SYK: variants seen among roughly 807,000 people sequenced by gnomAD.
SYK encodes tyrosine-protein kinase SYK.
A neutral mutation model predicts 77.8 loss-of-function variants in SYK; 16 were observed. The observed-to-expected ratio is 0.21, with a 90% CI of 0.14 to 0.31. The LOEUF (loss-of-function observed/expected upper bound fraction) is 0.31. SYK is among the 10% of genes least tolerant of loss of function. The pLI, the probability that SYK is intolerant of heterozygous loss-of-function variation, is 1.00. For missense variants in SYK, 529 were observed against 814.4 expected (o/e 0.65, Z 4.26); for synonymous variants, 312 against 308.7 (o/e 1.01, Z -0.11).
At chr9:90,862,618 G>A (rs987023470) in intron 4 of SYK, among the ~76,000 whole-genome samples, 1 of 152,196 alleles carries the variant, frequency 6.6e-6, no homozygotes, top group African/African-American at 2.4e-5. Context: ...GTGAACGAAG[G>A]TTCCATGGCT....
chr9:90,882,443 G>A (rs1274440836), intron 11 of SYK, among the ~76,000 whole-genome samples: 1 of 152,202 alleles, frequency 6.6e-6, no homozygotes, highest in Non-Finnish European at 1.5e-5. Context: ...CCACCCCAAT[G>A]AGACCTCACA....
rs1264205245 is a variant in SYK at position 90,888,508 on chromosome 9, G to T, written c.1723-7G>T. The T allele has an allele frequency of 8.2e-6, 13 of 1,591,766 alleles. No homozygotes were observed. Among genetic ancestry groups the T allele is most frequent in the Non-Finnish European group, 1.1e-5 (13 of 1,172,096 alleles). On this transcript the variant is annotated splice_region_variant and splice_polypyrimidine_tract_variant and intron_variant, in intron 12 of 13. Transcript: ENST00000375754. ...AAAAAAGCTTATGCATATCTTGCAT[G>T]TTGTAGGGGATGAAAGGAAGTGAAG...
At chr9:90,885,553 A>G (rs1828532253) in intron 11 of SYK, among the ~76,000 whole-genome samples, 1 of 152,230 alleles carries the variant, frequency 6.6e-6, no homozygotes, top group African/African-American at 2.4e-5. Flanking sequence ...AAGCAACTGA[A>G]TATTCAAATC....
intron 8 of SYK, 68 bp from the exon 9 acceptor site, chr9:90,874,604 G>A: frequency 6.6e-7 from 1 of 1,513,212 alleles, no homozygotes; most frequent in Non-Finnish European, 9.0e-7. Flanking sequence ...TGAAGATCAT[G>A]TTCTTGGAAG....
intron 6 of SYK, 123 bp from the exon 7 acceptor site, chr9:90,867,008 G>A: frequency 2.0e-6 from 2 of 1,007,532 alleles, no homozygotes; most frequent in South Asian, 2.8e-5. Flanking sequence ...GATCTCATTG[G>A]CAGGGACAGG....
rs1392335589 is a variant in SYK at position 90,877,633 on chromosome 9, A to G, written c.1244A>G (p.Asp415Gly). 6.2e-7 allele frequency: 1 copy of G among 1,614,252 alleles called. No homozygotes were observed. The highest frequency in any genetic ancestry group is 8.5e-7 in the Non-Finnish European group (1 of 1,180,034). Residue 415 changes from aspartate (D) to glycine (G), a missense_variant, in exon 10 of 14, where the codon GAT (aspartate) becomes GGT (glycine). Transcript: ENST00000375754. ...GAGGCCAATGACCCCGCTCTTAAAG[A>G]TGAGTTATTAGCAGAAGCAAATGTC... ...KNEANDPALKDELLAEANVMQ... is the reference protein window; with the variant it reads ...KNEANDPALKGELLAEANVMQ...
At chr9:90,853,722 G>A (rs1587865100) in intron 3 of SYK, among the ~76,000 whole-genome samples, 1 of 152,150 alleles carries the variant, frequency 6.6e-6, no homozygotes, top group Admixed American at 6.5e-5. Flanking sequence ...GGACTGTTGT[G>A]GGGTGGGAGG....
chr9:90,890,377 G>T (rs1018197952), intron 13 of SYK, among the ~76,000 whole-genome samples: 1 of 152,236 alleles, frequency 6.6e-6, no homozygotes, highest in Non-Finnish European at 1.5e-5. Context: ...GGCAGACCGG[G>T]GAGGGAAAGC....
intron 13 of SYK, among the ~76,000 whole-genome samples, chr9:90,891,389 C>T (rs971108643): frequency 2.0e-5 from 3 of 152,102 alleles, no homozygotes; most frequent in East Asian, 3.9e-4. Flanking sequence ...CCTCATGATC[C>T]GCCCGCCTCA....
chr9:90,878,344 G>T (rs1828022118), intron 10 of SYK, among the ~76,000 whole-genome samples: 1 of 152,128 alleles, frequency 6.6e-6, no homozygotes. Context: ...TGCCTCATTT[G>T]CTGTGCTACG....
chr9:90,873,475 TAGG>T (rs1178293125), intron 7 of SYK, among the ~76,000 whole-genome samples: 4 of 152,130 alleles, frequency 2.6e-5, no homozygotes, highest in Non-Finnish European at 1.5e-5. Flanking sequence ...GGAAAGTCCT[TAGG>T]ATAATGAGTA....
intron 11 of SYK, among the ~76,000 whole-genome samples, chr9:90,882,986 A>AG (rs1828215051): frequency 6.6e-6 from 1 of 152,140 alleles, no homozygotes; most frequent in South Asian, 2.1e-4. Flanking sequence ...GGAGCTGCCT[A>AG]GGGATCACAC....
At chr9:90,868,810 A>C (rs1587889990) in intron 7 of SYK, among the ~76,000 whole-genome samples, 2 of 152,194 alleles carry the variant, frequency 1.3e-5, no homozygotes, top group African/African-American at 4.8e-5. Context: ...AAGTATGTAC[A>C]GATATTCTTG....
chr9:90,865,820 G>A (rs893590526), intron 6 of SYK, among the ~76,000 whole-genome samples: 3 of 151,594 alleles, frequency 2.0e-5, no homozygotes, highest in Admixed American at 2.0e-4. Context: ...CAGCCTGTTA[G>A]GAAGTCAGGT....
intron 1 of SYK, among the ~76,000 whole-genome samples, chr9:90,839,522 C>G (rs1564084028): frequency 6.6e-6 from 1 of 152,182 alleles, no homozygotes; most frequent in Non-Finnish European, 1.5e-5. Flanking sequence ...GCCTGTCTCA[C>G]TTCCTTTCCA....
At chr9:90,858,723 G>C (rs1827134937) in intron 3 of SYK, among the ~76,000 whole-genome samples, 1 of 152,256 alleles carries the variant, frequency 6.6e-6, no homozygotes. Flanking sequence ...ATACCTCACA[G>C]TTGCTGGTGG....
At chr9:90,804,613 T>C (rs900301724) in intron 1 of SYK, among the ~76,000 whole-genome samples, 1 of 152,218 alleles carries the variant, frequency 6.6e-6, no homozygotes, top group African/African-American at 2.4e-5. Flanking sequence ...AACAGGAATT[T>C]AGGCCTTTGG....
intron 3 of SYK, among the ~76,000 whole-genome samples, chr9:90,853,236 T>C (rs748364318): frequency 1.2e-4 from 17 of 147,602 alleles, no homozygotes; most frequent in Non-Finnish European, 2.1e-4. Context: ...TGGACTATCA[T>C]CTAGTGTGTC....
intron 3 of SYK, among the ~76,000 whole-genome samples, chr9:90,846,844 C>T (rs918568372): frequency 6.6e-6 from 1 of 152,214 alleles, no homozygotes; most frequent in South Asian, 2.1e-4. Context: ...AGTGGAGGCA[C>T]CTATGGCTAT....
Sources: allele counts gnomAD v4.1 joint callset (sites outside exome capture counted in the v4.1 genomes callset), GRCh38; gene constraint gnomAD v4.1.1; transcripts MANE v1.5; gene names NCBI Gene and HGNC (gene_info 2026-07-23, HGNC 2026-07-21).